Variants in CHD9 observed in about 807,000 individuals in gnomAD.
The protein encoded by CHD9 is chromodomain helicase DNA binding protein 9.
CHD9 carries 77 observed loss-of-function variants against 316.1 expected under a neutral mutation model. That is an observed-to-expected ratio of 0.24 (90% CI 0.20 to 0.29). The LOEUF (loss-of-function observed/expected upper bound fraction) is 0.29, where lower values mean the gene tolerates loss of function less well. Among genes scored for constraint, CHD9 ranks in the 10% least tolerant of loss-of-function variants. The pLI is 1.00. For missense variants in CHD9, 2,763 were observed against 3,438.1 expected, an observed-to-expected ratio of 0.80 and a Z score of 4.91; for synonymous variants, 1,129 against 1,158.3, an observed-to-expected ratio of 0.97 and a Z score of 0.51.
At chr16:53,151,351 A>G (rs113729327) in intron 1 of CHD9, among the ~76,000 whole-genome samples, 36,248 of 151,160 alleles carry the variant, frequency 0.24, 4,678 homozygotes, top group Middle Eastern at 0.32. Flanking sequence ...TCTCGGGTTC[A>G]AGTGATTCTC....
intron 2 of CHD9, among the ~76,000 whole-genome samples, chr16:53,195,092 T>TA (rs2044785691): frequency 6.6e-6 from 1 of 152,172 alleles, no homozygotes; most frequent in Non-Finnish European, 1.5e-5. Flanking sequence ...ATACAGAAAA[T>TA]ACACAAATTA....
intron 1 of CHD9, among the ~76,000 whole-genome samples, chr16:53,070,318 A>G (rs2152513289): frequency 6.6e-6 from 1 of 152,216 alleles, no homozygotes; most frequent in South Asian, 2.1e-4. Flanking sequence ...AATCATTGCC[A>G]AATCAATGTC....
chr16:53,122,583 G>A (rs1486535026), intron 1 of CHD9, among the ~76,000 whole-genome samples: 2 of 145,406 alleles, frequency 1.4e-5, no homozygotes, highest in African/African-American at 2.6e-5. Flanking sequence ...CTCACTCTGT[G>A]GCCCAGGCTG....
At chr16:53,161,992 G>A (rs2041947195) in intron 2 of CHD9, among the ~76,000 whole-genome samples, 1 of 152,152 alleles carries the variant, frequency 6.6e-6, no homozygotes, top group Non-Finnish European at 1.5e-5. Context: ...GAGCTCAAGT[G>A]ATCCACCTCA....
At chr16:53,139,473 A>G (rs1360212072) in intron 1 of CHD9, among the ~76,000 whole-genome samples, 1 of 152,202 alleles carries the variant, frequency 6.6e-6, no homozygotes, top group Non-Finnish European at 1.5e-5. Flanking sequence ...GGTGATGGTA[A>G]TACAGTATGG....
intron 3 of CHD9, among the ~76,000 whole-genome samples, chr16:53,219,263 A>G (rs2047027272): frequency 6.6e-6 from 1 of 152,206 alleles, no homozygotes. Flanking sequence ...AGATACCCAT[A>G]TGTATATGTG....
At chr16:53,247,590 A>G (rs1383848532) in intron 16 of CHD9, 87 bp downstream of exon 16, 3 of 876,538 alleles carry the variant, frequency 3.4e-6, no homozygotes, top group Admixed American at 5.2e-5. Context: ...AACTTTACTC[A>G]TATCTTTCTC....
chr16:53,225,442 T>C (rs1017273090), intron 4 of CHD9, among the ~76,000 whole-genome samples: 1 of 152,202 alleles, frequency 6.6e-6, no homozygotes, highest in Non-Finnish European at 1.5e-5. Flanking sequence ...TTGAAATTTT[T>C]ATCTTTATTG....
chr16:53,283,600 T>A (rs1048129237), intron 24 of CHD9, among the ~76,000 whole-genome samples: 1 of 152,212 alleles, frequency 6.6e-6, no homozygotes, highest in Admixed American at 6.5e-5. Flanking sequence ...CAGTGTTCTT[T>A]CCTGTTTCCT....
intron 1 of CHD9, among the ~76,000 whole-genome samples, chr16:53,131,562 G>A (rs147203355): frequency 0.017 from 2,544 of 151,434 alleles, 81 homozygotes; most frequent in African/African-American, 0.059. Context: ...GTCGGGACAC[G>A]GCAGCCGCGC....
intron 7 of CHD9, among the ~76,000 whole-genome samples, chr16:53,228,588 C>A (rs796285238): frequency 6.9e-6 from 1 of 144,316 alleles, no homozygotes; most frequent in African/African-American, 2.6e-5. Flanking sequence ...TCGCCCAGGC[C>A]GGACTGCGGA....
At chr16:53,171,447 A>G (rs148116434) in intron 2 of CHD9, among the ~76,000 whole-genome samples, 3 of 152,272 alleles carry the variant, frequency 2.0e-5, no homozygotes, top group South Asian at 2.1e-4. Context: ...AAAAATAAAA[A>G]CAATTTAGTT....
Position 53,325,151 on chromosome 16 carries a change from G to T in CHD9, c.*256G>T. On this transcript the variant is annotated 3_prime_UTR_variant, in exon 39 of 39. Transcript: ENST00000447540. ...AAAAGGCATTATAATTTTGTTGGGGGTTAATTTTATGAAAATTATGCTCAA... is the reference window on the plus strand; with the variant it reads ...AAAAGGCATTATAATTTTGTTGGGGTTTAATTTTATGAAAATTATGCTCAA... 1 of 308,330 alleles carries T rather than the reference G, an allele frequency of 3.2e-6. No individual in the cohort carries two copies. The highest frequency in any genetic ancestry group is 9.6e-5 in the South Asian group (1 of 10,446). 19.1% of individuals were successfully genotyped at this position (308,330 alleles called of 1,614,324 possible).
chr16:53,153,382 G>A (rs182225213), intron 1 of CHD9, among the ~76,000 whole-genome samples: 99 of 152,328 alleles, frequency 6.5e-4, no homozygotes, highest in African/African-American at 2.3e-3. Flanking sequence ...AATTACTGGG[G>A]CAATGCCTTT....
At chr16:53,177,587 G>C (rs980473065) in intron 2 of CHD9, among the ~76,000 whole-genome samples, 4 of 152,162 alleles carry the variant, frequency 2.6e-5, no homozygotes, top group Non-Finnish European at 5.9e-5. Context: ...ATAATCCAAA[G>C]AGGTTTCCTA....
intron 30 of CHD9, among the ~76,000 whole-genome samples, chr16:53,297,906 T>G (rs2054950386): frequency 6.6e-6 from 1 of 152,202 alleles, no homozygotes; most frequent in South Asian, 2.1e-4. Context: ...TAATTCAGAG[T>G]AGATTTCAGT....
At chr16:53,228,537 GTT>G (rs758037912) in intron 7 of CHD9, among the ~76,000 whole-genome samples, 412 of 105,016 alleles carry the variant, frequency 3.9e-3, no homozygotes, top group African/African-American at 0.015. Context: ...CCATGAAAGT[GTT>G]TTTTTTTTTT....
At chr16:53,167,084 C>G (rs2042317429) in intron 2 of CHD9, among the ~76,000 whole-genome samples, 1 of 152,038 alleles carries the variant, frequency 6.6e-6, no homozygotes. Flanking sequence ...ACAGCAGTAC[C>G]CACACTATGG....
In CHD9 at chr16:53,157,524, C is replaced by G. The variant is rs11647042; in HGVS notation, c.1435C>G (p.Leu479Val). Residue 479 changes from leucine to valine, a missense_variant, in exon 2 of 39, where the codon CTA (leucine) becomes GTA (valine). Transcript: ENST00000447540. Reference sequence around the variant, plus strand: ...TCAGCATTTACATGACAGAAATCACCTATGTTTACAGCGACAGGTATGTAG... The same window carrying G: ...TCAGCATTTACATGACAGAAATCACGTATGTTTACAGCGACAGGTATGTAG... The part of the protein sequence containing the change: ...NHQHLHDRNH[L>V]CLQRQPPSSK... The G allele has an allele frequency of 6.2e-7, 1 of 1,612,514 alleles. No homozygotes were observed.
Sources: allele counts gnomAD v4.1 joint callset (sites outside exome capture counted in the v4.1 genomes callset), GRCh38; gene constraint gnomAD v4.1.1; transcripts MANE v1.5; gene names NCBI Gene and HGNC (gene_info 2026-07-23, HGNC 2026-07-21).